The following TMEM71 variants were observed in gnomAD, a reference collection of about 807,000 sequenced individuals.
The protein encoded by TMEM71 is transmembrane protein 71.
Under a neutral mutation model 38.0 loss-of-function variants are expected in TMEM71, and 44 were observed. The ratio of observed to expected loss-of-function variants is 1.16; its 90% CI spans 0.91 to 1.49. TMEM71 has a LOEUF of 1.49. Ranked by LOEUF, TMEM71 falls within the 40% of genes most tolerant of loss-of-function variation. TMEM71 has a pLI of 0.00. For missense variants in TMEM71, 367 were observed against 348.6 expected (o/e 1.05, Z -0.42); for synonymous variants, 133 against 122.5 (o/e 1.09, Z -0.56).
upstream of TMEM71, among the ~76,000 whole-genome samples, chr8:132,762,848 A>G (rs560450203): frequency 2.0e-4 from 30 of 152,348 alleles, no homozygotes; most frequent in African/African-American, 3.1e-4. Flanking sequence ...AACACTGTAC[A>G]TATGTAATCT....
chr8:132,741,083 G>T (rs911607825), intron 5 of TMEM71, among the ~76,000 whole-genome samples: 1 of 152,136 alleles, frequency 6.6e-6, no homozygotes, highest in African/African-American at 2.4e-5. Context: ...ACCCACTCAG[G>T]GCTGGGCACA....
At chr8:132,749,113 A>T (rs1408080994) in intron 4 of TMEM71, among the ~76,000 whole-genome samples, 2 of 152,204 alleles carry the variant, frequency 1.3e-5, no homozygotes, top group Non-Finnish European at 2.9e-5. Context: ...AGGTGAAATG[A>T]GAAGAAAGAA....
chr8:132,711,791 G>A (rs1826250926), intron 9 of TMEM71, among the ~76,000 whole-genome samples: 1 of 152,150 alleles, frequency 6.6e-6, no homozygotes, highest in African/African-American at 2.4e-5. Context: ...AGGTGCTAAA[G>A]AGGCACCTAA....
At chr8:132,742,262 C>T (rs1285124353) in intron 5 of TMEM71, among the ~76,000 whole-genome samples, 1 of 152,204 alleles carries the variant, frequency 6.6e-6, no homozygotes, top group African/African-American at 2.4e-5. Context: ...TATACTGGAA[C>T]AGCTTGTGTC....
At chr8:132,735,974 G>A (rs910767211) in intron 5 of TMEM71, among the ~76,000 whole-genome samples, 4 of 152,218 alleles carry the variant, frequency 2.6e-5, no homozygotes, top group South Asian at 2.1e-4. Context: ...TATTTAATAC[G>A]TGTGAAATAC....
At chr8:132,758,937 AG>A in intron 1 of TMEM71, 22 bp from the exon 2 acceptor site, 4 of 1,481,464 alleles carry the variant, frequency 2.7e-6, no homozygotes, top group Non-Finnish European at 2.8e-6. Flanking sequence ...GTTAAAAAAA[AG>A]GTGGACTATA....
chr8:132,750,011 T>C lies in TMEM71; in HGVS notation c.314+1774A>G, dbSNP rs377673680. ...CCTGGCGAAAGAGCGAGACTCCATC[T>C]CAAAAAAAAAAAAAGAAAGAAAGAA... On this transcript the variant is annotated intron_variant, in intron 4 of 9. Coordinates refer to ENST00000677595, the MANE Select transcript of TMEM71 (RefSeq NM_001382403.1). Among the ~76,000 whole-genome samples the C allele has an allele frequency of 1.5e-4, 4 of 25,828 alleles. No homozygotes were observed. In the East Asian group the frequency reaches 4.1e-3, roughly 26 times the overall value. The allele number at this position is 25,828 out of a possible 152,430, so 16.9% of individuals were successfully genotyped here.
intron 6 of TMEM71, among the ~76,000 whole-genome samples, chr8:132,723,402 T>G (rs755228310): frequency 6.6e-6 from 1 of 152,206 alleles, no homozygotes; most frequent in Non-Finnish European, 1.5e-5. Flanking sequence ...TACAAAGATA[T>G]GAGTTGTGTG....
chr8:132,743,519 C>T (rs1302245434), intron 5 of TMEM71, among the ~76,000 whole-genome samples: 2 of 152,180 alleles, frequency 1.3e-5, no homozygotes, highest in Non-Finnish European at 2.9e-5. Flanking sequence ...CACTCACCTC[C>T]ATGAATGCTT....
Position 132,752,828 on chromosome 8 carries a change from A to AAAGGAAGG in TMEM71, c.102-839_102-832dup, listed in dbSNP as rs71299033. On this transcript the variant is annotated intron_variant, in intron 3 of 9. Coordinates refer to ENST00000677595, the MANE Select transcript of TMEM71 (RefSeq NM_001382403.1). ...GGAAGAAAGGAAGAAGGGAAGGAAG[A>AAAGGAAGG]AAGGAAGGAAGGAAGGAAGGAAGGA... 7.3e-3 allele frequency among the ~76,000 whole-genome samples: 867 copies of AAAGGAAGG among 118,406 alleles called. 5 individuals carry two copies. The highest frequency in any genetic ancestry group is 0.014 in the South Asian group (44 of 3,114). The allele number at this position is 118,406 out of a possible 152,430, so 77.7% of individuals were successfully genotyped here.
At chr8:132,735,224 A>G (rs967941930) in intron 5 of TMEM71, among the ~76,000 whole-genome samples, 1 of 152,228 alleles carries the variant, frequency 6.6e-6, no homozygotes, top group Non-Finnish European at 1.5e-5. Flanking sequence ...ATGAATTGCA[A>G]CTAATGAGGA....
chr8:132,738,858 GCACA>G (rs10531257), intron 5 of TMEM71, among the ~76,000 whole-genome samples: 53,244 of 150,396 alleles, frequency 0.35, 9,762 homozygotes, highest in African/African-American at 0.45. Context: ...AGTATTACAT[GCACA>G]CACACACACA....
chr8:132,726,269 C>CA (rs967258383), intron 6 of TMEM71, among the ~76,000 whole-genome samples: 17 of 151,022 alleles, frequency 1.1e-4, no homozygotes, highest in Admixed American at 5.9e-4. Context: ...CAAACCAAAA[C>CA]AAAAAAAACC....
rs1826201247 is a variant in TMEM71 at position 132,710,963 on chromosome 8, G to A, written c.*4C>T. 2 of 1,606,674 alleles carry A rather than the reference G, an allele frequency of 1.2e-6. No individual in the cohort carries two copies. Among genetic ancestry groups the A allele is most frequent in the Non-Finnish European group, 1.7e-6 (2 of 1,177,606 alleles). ...CATTCATCGAAGGCATTCCTAAATG[G>A]TTGTCAAATTTTGACAAACCTAGAT... On this transcript the variant is annotated 3_prime_UTR_variant, in exon 10 of 10. Transcript: ENST00000677595.
At chr8:132,744,366 C>T (rs1013083115) in intron 5 of TMEM71, among the ~76,000 whole-genome samples, 1 of 152,022 alleles carries the variant, frequency 6.6e-6, no homozygotes, top group African/African-American at 2.4e-5. Flanking sequence ...ATTCTGTACC[C>T]TAATAACATT....
chr8:132,746,163 C>T (rs919105439), intron 5 of TMEM71, among the ~76,000 whole-genome samples: 4 of 150,146 alleles, frequency 2.7e-5, no homozygotes, highest in African/African-American at 9.9e-5. Flanking sequence ...CCTCCTGATT[C>T]TAAAATAAAA....
chr8:132,771,302 G>A, the TMEM71 span, among the ~76,000 whole-genome samples: 2 of 152,130 alleles, frequency 1.3e-5, no homozygotes, highest in Non-Finnish European at 2.9e-5. Flanking sequence ...AGTGTTCAGG[G>A]TTGGATGATA....
intron 7 of TMEM71, among the ~76,000 whole-genome samples, chr8:132,718,497 A>G (rs2131020531): frequency 6.7e-6 from 1 of 148,320 alleles, no homozygotes; most frequent in South Asian, 2.1e-4. Context: ...TCCCGGGTTC[A>G]CACCATTCTC....
the TMEM71 span, among the ~76,000 whole-genome samples, chr8:132,767,255 G>C: frequency 3.9e-5 from 6 of 152,172 alleles, no homozygotes; most frequent in Non-Finnish European, 8.8e-5. Flanking sequence ...CTTGGGGGCA[G>C]AGCAACCTTC....
Sources: gnomAD v4.1 joint callset for allele counts (sites outside exome capture counted in the v4.1 genomes callset) on GRCh38, gnomAD v4.1.1 for gene constraint, MANE v1.5 for transcripts, NCBI Gene and HGNC (gene_info 2026-07-23, HGNC 2026-07-21) for gene names.